Variants in FBXL13 observed in about 807,000 individuals in gnomAD.
FBXL13 encodes F-box and leucine rich repeat protein 13.
In FBXL13, 67 loss-of-function variants were observed where a neutral mutation model predicts 83.6. That is an observed-to-expected ratio of 0.80 (90% CI 0.66 to 0.98). The LOEUF (loss-of-function observed/expected upper bound fraction) is 0.98, where lower values mean the gene tolerates loss of function less well. FBXL13 is among the 50% of genes least tolerant of loss of function. The pLI is 0.00. For synonymous variants in FBXL13, 272 were observed against 299.5 expected, an observed-to-expected ratio of 0.91 and a Z score of 0.95; for missense variants, 822 against 866.5, an observed-to-expected ratio of 0.95 and a Z score of 0.64.
At chr7:102,821,240 C>T (rs1234285075) in intron 19 of FBXL13, among the ~76,000 whole-genome samples, 1 of 152,156 alleles carries the variant, frequency 6.6e-6, no homozygotes, top group Non-Finnish European at 1.5e-5. Flanking sequence ...GAGTCTCCAA[C>T]CCTCCTCAAA....
At chr7:102,867,695 A>ATATATATATATATT (rs1239781180) in intron 16 of FBXL13, among the ~76,000 whole-genome samples, 1 of 49,064 alleles carries the variant, frequency 2.0e-5, no homozygotes, top group African/African-American at 1.2e-4. Context: ...ATATATATAT[A>ATATATATATATATT]TTTTTTTTTT....
At chr7:102,934,315 C>T (rs1468084797) in intron 8 of FBXL13, 1 of 1,614,170 alleles carries the variant, frequency 6.2e-7, no homozygotes, top group East Asian at 2.2e-5. Context: ...TCACCACCCT[C>T]TTACTGCAGC....
At chr7:103,001,933 C>T (rs904231221) in intron 6 of FBXL13, among the ~76,000 whole-genome samples, 8 of 152,164 alleles carry the variant, frequency 5.3e-5, no homozygotes, top group Non-Finnish European at 7.3e-5. Context: ...AGAACCAGTT[C>T]TCCCTAATAA....
chr7:103,056,823 T>A (rs1797386128), intron 1 of FBXL13, among the ~76,000 whole-genome samples: 2 of 141,938 alleles, frequency 1.4e-5, no homozygotes, highest in African/African-American at 5.0e-5. Context: ...CAACATCTAT[T>A]TTTTTTTTTT....
intron 10 of FBXL13, among the ~76,000 whole-genome samples, chr7:102,923,550 C>T (rs559160291): frequency 5.2e-4 from 79 of 152,252 alleles, no homozygotes; most frequent in African/African-American, 1.8e-3. Context: ...AGGCCGGGCG[C>T]GGTGGCTCAC....
chr7:102,929,899 A>G (rs1468144402), intron 9 of FBXL13, among the ~76,000 whole-genome samples: 1 of 151,994 alleles, frequency 6.6e-6, no homozygotes, highest in African/African-American at 2.4e-5. Context: ...TCTCAATATA[A>G]ATATAAATTT....
At chr7:102,904,532 A>G (rs892555033) in intron 11 of FBXL13, among the ~76,000 whole-genome samples, 2 of 151,830 alleles carry the variant, frequency 1.3e-5, no homozygotes, top group Non-Finnish European at 2.9e-5. Flanking sequence ...AACTTTTCAA[A>G]AACCCACTTT....
chr7:102,938,025 C>A (rs779771387), intron 8 of FBXL13, among the ~76,000 whole-genome samples: 1 of 152,278 alleles, frequency 6.6e-6, no homozygotes, highest in African/African-American at 2.4e-5. Context: ...CCTTAAATAT[C>A]TAATGGCAAG....
chr7:103,005,493 AG>A (rs1790890933), intron 6 of FBXL13, among the ~76,000 whole-genome samples: 1 of 152,238 alleles, frequency 6.6e-6, no homozygotes, highest in South Asian at 2.1e-4. Flanking sequence ...AAAATACCAT[AG>A]ACTGGATTGC....
chr7:102,973,419 G>A (rs1826989491), intron 6 of FBXL13: 1 of 703,956 alleles, frequency 1.4e-6, no homozygotes, highest in African/African-American at 1.7e-5. Context: ...GTACCACATA[G>A]CAGTTACATC....
At chr7:103,066,898 T>TCCC (rs1037640094) in intron 1 of FBXL13, among the ~76,000 whole-genome samples, 26 of 151,008 alleles carry the variant, frequency 1.7e-4, no homozygotes, top group African/African-American at 6.3e-4. Flanking sequence ...TTCAAGAGAC[T>TCCC]CCCCTGCCTC....
chr7:102,823,082 A>G (rs1410687879), intron 18 of FBXL13, among the ~76,000 whole-genome samples: 3 of 152,106 alleles, frequency 2.0e-5, no homozygotes, highest in Non-Finnish European at 4.4e-5. Flanking sequence ...CCCACCCCCC[A>G]CACAAAAAAA....
At chr7:103,052,464 A>C (rs915081025) in intron 2 of FBXL13, among the ~76,000 whole-genome samples, 1 of 152,016 alleles carries the variant, frequency 6.6e-6, no homozygotes, top group Non-Finnish European at 1.5e-5. Context: ...AAAAAATTTC[A>C]TTTTTCTCTG....
chr7:102,884,710 G>A (rs1029966448), intron 11 of FBXL13, among the ~76,000 whole-genome samples: 1 of 152,072 alleles, frequency 6.6e-6, no homozygotes, highest in African/African-American at 2.4e-5. Flanking sequence ...CATTCATAAT[G>A]TTGTGCAACC....
chr7:102,831,103 C>T (rs1800592229), intron 18 of FBXL13, among the ~76,000 whole-genome samples: 1 of 152,050 alleles, frequency 6.6e-6, no homozygotes, highest in Non-Finnish European at 1.5e-5. Context: ...GTCAGGGTTC[C>T]CAGAGAAGAG....
At chr7:102,994,186 A>G (rs543929200) in intron 6 of FBXL13, among the ~76,000 whole-genome samples, 1 of 152,168 alleles carries the variant, frequency 6.6e-6, no homozygotes, top group South Asian at 2.1e-4. Context: ...ATATAAATCT[A>G]CTCTTATTAC....
At chr7:102,881,240 G>A (rs972409847) in intron 14 of FBXL13, among the ~76,000 whole-genome samples, 1 of 151,852 alleles carries the variant, frequency 6.6e-6, no homozygotes, top group Non-Finnish European at 1.5e-5. Context: ...GAGGTCAGGA[G>A]TTCAAGACCA....
intron 17 of FBXL13, among the ~76,000 whole-genome samples, chr7:102,850,372 A>C (rs765031062): frequency 6.6e-6 from 1 of 152,192 alleles, no homozygotes; most frequent in Non-Finnish European, 1.5e-5. Context: ...AATAATGTAC[A>C]TTAAGAGGCT....
intron 6 of FBXL13, among the ~76,000 whole-genome samples, chr7:102,992,877 G>T (rs1246434492): frequency 6.6e-6 from 1 of 152,174 alleles, no homozygotes; most frequent in Non-Finnish European, 1.5e-5. Context: ...AAAGTGCTGG[G>T]ATTACAGGCA....
Sources: allele counts gnomAD v4.1 joint callset (sites outside exome capture counted in the v4.1 genomes callset), GRCh38; gene constraint gnomAD v4.1.1; transcripts MANE v1.5; gene names NCBI Gene and HGNC (gene_info 2026-07-23, HGNC 2026-07-21).